Variants in ATP9A observed in about 807,000 individuals in gnomAD.
The protein encoded by ATP9A is probable phospholipid-transporting ATPase IIA.
ATP9A carries 52 observed loss-of-function variants against 144.1 expected under a neutral mutation model. The ratio of observed to expected loss-of-function variants is 0.36; its 90% CI spans 0.29 to 0.45. The LOEUF is 0.45. ATP9A is among the 20% of genes least tolerant of loss of function. ATP9A has a pLI of 1.00. For missense variants in ATP9A, 947 were observed against 1,392.7 expected, an observed-to-expected ratio of 0.68 and a Z score of 5.09; for synonymous variants, 582 against 557.4, an observed-to-expected ratio of 1.04 and a Z score of -0.62.
chr20:51,610,241 C>T (rs6021313), intron 23 of ATP9A, 76 bp from the exon 24 acceptor site: 9 of 1,225,316 alleles, frequency 7.3e-6, no homozygotes, highest in Non-Finnish European at 1.1e-5. Flanking sequence ...AAAATAACAC[C>T]TGATACTTAC....
intron 14 of ATP9A, among the ~76,000 whole-genome samples, chr20:51,646,144 A>C (rs1568801177): frequency 6.6e-6 from 1 of 152,226 alleles, no homozygotes; most frequent in Non-Finnish European, 1.5e-5. Flanking sequence ...TCCCTGCCTC[A>C]AATGCCCATG....
At chr20:51,714,650 G>A (rs1426784013) in intron 3 of ATP9A, among the ~76,000 whole-genome samples, 1 of 152,178 alleles carries the variant, frequency 6.6e-6, no homozygotes, top group Non-Finnish European at 1.5e-5. Flanking sequence ...TTACCGGCGT[G>A]AGCCACCACG....
rs1011944237 is a variant in ATP9A at position 51,627,741 on chromosome 20, G to A, written c.1762-58C>T. ...TGCTGAGAGCTCCTGACCTCACTGG[G>A]GAAGGACCAGTGCCCAAGTGGATGT... On this transcript the variant is annotated intron_variant, in intron 16 of 27. Transcript: ENST00000338821. The A allele has an allele frequency of 2.1e-6, 3 of 1,423,326 alleles. No homozygotes were observed. In the African/African-American group the frequency reaches 4.2e-5, roughly 20 times the overall value. The allele number at this position is 1,423,326 out of a possible 1,614,324, so 88.2% of individuals were successfully genotyped here.
At chr20:51,638,951 G>A (rs2122746036) in intron 15 of ATP9A, among the ~76,000 whole-genome samples, 1 of 152,216 alleles carries the variant, frequency 6.6e-6, no homozygotes, top group South Asian at 2.1e-4. Flanking sequence ...TGAAACATGA[G>A]GGAAGTGGTG....
At chr20:51,620,760 G>A (rs750614923) in intron 19 of ATP9A, among the ~76,000 whole-genome samples, 5 of 152,100 alleles carry the variant, frequency 3.3e-5, no homozygotes, top group Non-Finnish European at 7.4e-5. Context: ...CTGCAAAAAC[G>A]ACACTGGTTC....
chr20:51,637,395 G>C (rs902329556), intron 15 of ATP9A, among the ~76,000 whole-genome samples: 1 of 151,034 alleles, frequency 6.6e-6, no homozygotes, highest in Middle Eastern at 3.4e-3. Context: ...CCGTGTGCCA[G>C]GCAGGAAAGC....
intron 8 of ATP9A, among the ~76,000 whole-genome samples, chr20:51,689,399 A>C (rs903412325): frequency 2.6e-5 from 4 of 152,176 alleles, no homozygotes; most frequent in African/African-American, 4.8e-5. Flanking sequence ...GCACTGAAAA[A>C]TGTTTTATGA....
At chr20:51,669,882 T>A (rs1248776584) in intron 13 of ATP9A, 115 bp downstream of exon 13, 11 of 744,150 alleles carry the variant, frequency 1.5e-5, no homozygotes, top group Non-Finnish European at 2.3e-5. Context: ...AAAAAAACAA[T>A]GAATTGTACT....
chr20:51,690,646 T>C (rs983477959), intron 8 of ATP9A, 93 bp downstream of exon 8: 20 of 1,116,222 alleles, frequency 1.8e-5, no homozygotes, highest in Non-Finnish European at 2.7e-5. Flanking sequence ...ATGAAACAAC[T>C]TCCTGACAAA....
chr20:51,695,619 A>C (rs1161667411), intron 6 of ATP9A, among the ~76,000 whole-genome samples: 1 of 152,196 alleles, frequency 6.6e-6, no homozygotes, highest in Admixed American at 6.5e-5. Context: ...TACAATAAAT[A>C]AATCAATAGG....
chr20:51,627,679 C>G lies in ATP9A; in HGVS notation c.1766G>C (p.Gly589Ala). The change falls in exon 17 of 28, where the codon GGC (glycine) becomes GCC (alanine). Residue 589 changes from glycine to alanine, a missense_variant. Gly to Ala is a moderately conservative substitution (Grantham distance 60). This residue lies in a region of ATP9A where 770 missense variants were observed against 1,047.9 expected (regional missense o/e 0.73). Transcript: ENST00000338821. ...QYNDWLEEEC[G>A]NMAREGLRVL... ...CCGCAGCCCTTCTCGGGCCATGTTGCCACACTGAAAAATAGACCACGGTCG... is the reference window on the plus strand; with the variant it reads ...CCGCAGCCCTTCTCGGGCCATGTTGGCACACTGAAAAATAGACCACGGTCG... 1 of 1,614,090 alleles carries G rather than the reference C, an allele frequency of 6.2e-7. No individual in the cohort carries two copies. The highest frequency in any genetic ancestry group is 8.5e-7 in the Non-Finnish European group (1 of 1,179,976).
intron 5 of ATP9A, among the ~76,000 whole-genome samples, chr20:51,697,014 C>A (rs2077573271): frequency 6.6e-6 from 1 of 152,120 alleles, no homozygotes; most frequent in South Asian, 2.1e-4. Flanking sequence ...AAATAATAGA[C>A]AAGCACAATG....
At chr20:51,660,177 T>A (rs1183767871) in intron 13 of ATP9A, among the ~76,000 whole-genome samples, 2 of 152,220 alleles carry the variant, frequency 1.3e-5, no homozygotes, top group African/African-American at 4.8e-5. Flanking sequence ...TTATTTAACA[T>A]TAGGCGCAAT....
rs560568175 is a variant in ATP9A at position 51,710,528 on chromosome 20, C to G, written c.436+2438G>C. 4.2e-3 allele frequency among the ~76,000 whole-genome samples: 641 copies of G among 152,294 alleles called. 2 individuals carry two copies. Among genetic ancestry groups the G allele is most frequent in the Non-Finnish European group, 7.5e-3 (509 of 68,028 alleles). On this transcript the variant is annotated intron_variant, in intron 4 of 27. Coordinates refer to ENST00000338821, the MANE Select transcript of ATP9A (RefSeq NM_006045.3). The stretch of plus-strand genomic sequence containing the variant: ...AGGTTTGCTACTCTGGCCCTCCCCC[C>G]AAAAGCGTATCAAATAACTAAACTC...
intron 4 of ATP9A, among the ~76,000 whole-genome samples, chr20:51,709,618 C>G (rs2077629359): frequency 6.6e-6 from 1 of 152,140 alleles, no homozygotes; most frequent in African/African-American, 2.4e-5. Flanking sequence ...GTCCCAACTA[C>G]TCGGAGGCTG....
At chr20:51,686,698 G>T (rs893248828) in intron 9 of ATP9A, among the ~76,000 whole-genome samples, 4 of 152,284 alleles carry the variant, frequency 2.6e-5, no homozygotes, top group African/African-American at 9.6e-5. Context: ...ACTTTGGGAG[G>T]CCGAGGCAGG....
chr20:51,728,294 T>C (rs971325589), intron 2 of ATP9A, among the ~76,000 whole-genome samples: 6 of 151,564 alleles, frequency 4.0e-5, no homozygotes, highest in African/African-American at 1.5e-4. Context: ...TTGGGGGGAG[T>C]TGAGGAAACC....
Position 51,680,328 on chromosome 20 carries a change from G to A in ATP9A, c.800-4120C>T, listed in dbSNP as rs192923459. ...CACAAATCGATCTTCTACACATTAG[G>A]GGAAAACCCAACAAACTGGTCCCTC... On this transcript the variant is annotated intron_variant, in intron 9 of 27. Transcript: ENST00000338821. Among the ~76,000 whole-genome samples the A allele has an allele frequency of 2.6e-5, 4 of 151,890 alleles. No individual in the cohort carries two copies. In the East Asian group the frequency reaches 7.7e-4, roughly 29 times the overall value.
At chr20:51,735,929 C>T (rs2426395) in intron 1 of ATP9A, among the ~76,000 whole-genome samples, 148,777 of 152,294 alleles carry the variant, frequency 0.98, 72,695 homozygotes, top group East Asian at 1. Context: ...ACAGACAAGG[C>T]CCTCCTCCCA....
Sources: allele counts gnomAD v4.1 joint callset (sites outside exome capture counted in the v4.1 genomes callset), GRCh38; gene constraint gnomAD v4.1.1; regional missense constraint gnomAD v4.1.1; transcripts MANE v1.5; gene names NCBI Gene and HGNC (gene_info 2026-07-23, HGNC 2026-07-21).